Variants in MGAT5 observed in about 807,000 individuals in gnomAD.
MGAT5 encodes the protein alpha-1,6-mannosylglycoprotein 6-beta-N-acetylglucosaminyltransferase A.
MGAT5 carries 30 observed loss-of-function variants against 94.3 expected under a neutral mutation model. The ratio of observed to expected loss-of-function variants is 0.32; its 90% CI spans 0.24 to 0.43. The LOEUF (loss-of-function observed/expected upper bound fraction) is 0.43, where lower values mean the gene tolerates loss of function less well. Among genes scored for constraint, MGAT5 ranks in the 20% least tolerant of loss-of-function variants. MGAT5 has a pLI of 1.00. For missense variants in MGAT5, 691 were observed against 905.5 expected, an observed-to-expected ratio of 0.76 and a Z score of 3.04; for synonymous variants, 310 against 322.9, an observed-to-expected ratio of 0.96 and a Z score of 0.43.
intron 2 of MGAT5, among the ~76,000 whole-genome samples, chr2:134,287,326 A>G (rs190974140): frequency 1.4e-4 from 22 of 152,336 alleles, no homozygotes; most frequent in African/African-American, 5.3e-4. Context: ...TCATGAATCA[A>G]TATTCTTCGC....
intron 15 of MGAT5, 127 bp downstream of exon 15, chr2:134,442,042 G>C: frequency 9.3e-7 from 1 of 1,076,342 alleles, no homozygotes; most frequent in East Asian, 2.4e-5. Context: ...GTGTGGGAGG[G>C]GAGTAGGTTG....
At chr2:134,147,606 A>AAG (rs1553484897) in intron 1 of MGAT5, among the ~76,000 whole-genome samples, 7 of 150,882 alleles carry the variant, frequency 4.6e-5, no homozygotes, top group African/African-American at 7.3e-5. Context: ...AAAAAAAAAA[A>AAG]AAAAGAAAAG....
At chr2:134,173,958 C>G (rs1688341792) in intron 1 of MGAT5, among the ~76,000 whole-genome samples, 1 of 152,212 alleles carries the variant, frequency 6.6e-6, no homozygotes, top group Non-Finnish European at 1.5e-5. Context: ...CTCCCCCACC[C>G]AGGTTATAAA....
chr2:134,127,525 C>G (rs565793190), intron 1 of MGAT5, among the ~76,000 whole-genome samples: 15 of 132,042 alleles, frequency 1.1e-4, no homozygotes, highest in African/African-American at 2.9e-4. Flanking sequence ...TCCAACCCCC[C>G]CAAAACAAAA....
intron 14 of MGAT5, among the ~76,000 whole-genome samples, chr2:134,430,326 C>CT (rs1684814305): frequency 6.6e-6 from 1 of 152,212 alleles, no homozygotes; most frequent in Non-Finnish European, 1.5e-5. Flanking sequence ...GGAATTCCAG[C>CT]CAGTCTTTAA....
chr2:134,320,347 C>T lies in MGAT5; in HGVS notation c.573+1608C>T, dbSNP rs183977664. The stretch of plus-strand genomic sequence containing the variant: ...TCTGAGCATCATTTTCATTTGTACC[C>T]TTGAATTTAAATAGCAGCTTTTGTA... On this transcript the variant is annotated intron_variant, in intron 4 of 15. Coordinates refer to ENST00000281923, the MANE Select transcript of MGAT5 (RefSeq NM_002410.5). Among the ~76,000 whole-genome samples, 140 of 151,618 alleles carry T rather than the reference C, an allele frequency of 9.2e-4. No individual in the cohort carries two copies. In the East Asian group the frequency reaches 0.023, roughly 25 times the overall value.
At chr2:134,130,359 C>G (rs913095444) in intron 1 of MGAT5, among the ~76,000 whole-genome samples, 2 of 152,220 alleles carry the variant, frequency 1.3e-5, no homozygotes, top group Non-Finnish European at 2.9e-5. Flanking sequence ...TCTGCTGCGC[C>G]GGGTCCCATT....
chr2:134,269,360 G>A (rs1464774855), intron 1 of MGAT5, among the ~76,000 whole-genome samples: 1 of 152,150 alleles, frequency 6.6e-6, no homozygotes, highest in Non-Finnish European at 1.5e-5. Context: ...GTTTTTAGGA[G>A]AATGGAAGAT....
intron 13 of MGAT5, among the ~76,000 whole-genome samples, chr2:134,423,428 C>T (rs1168932400): frequency 6.6e-6 from 1 of 152,190 alleles, no homozygotes; most frequent in Non-Finnish European, 1.5e-5. Flanking sequence ...ACACAGAGTG[C>T]TCTCTGAGTC....
At chr2:134,284,709 G>T (rs1037988127) in intron 2 of MGAT5, among the ~76,000 whole-genome samples, 9 of 152,252 alleles carry the variant, frequency 5.9e-5, no homozygotes, top group African/African-American at 2.2e-4. Context: ...CAATTTAAGA[G>T]GATCAGGGTA....
chr2:134,275,574 T>C (rs1204415980), intron 2 of MGAT5, among the ~76,000 whole-genome samples: 3 of 143,252 alleles, frequency 2.1e-5, no homozygotes, highest in Non-Finnish European at 4.5e-5. Context: ...AGAGGTGCTA[T>C]TTCCTTTTTT....
chr2:134,260,214 A>T (rs1044878749), intron 1 of MGAT5, among the ~76,000 whole-genome samples: 2 of 152,156 alleles, frequency 1.3e-5, no homozygotes, highest in Admixed American at 1.3e-4. Context: ...ATCAATATGG[A>T]TGTTCTTATG....
In MGAT5 at chr2:134,151,390, C is replaced by T. The variant is rs112367749; in HGVS notation, c.-143+31099C>T. The stretch of plus-strand genomic sequence containing the variant: ...CCCATGCCCTGTGGGACCCACTCAC[C>T]GCCATGGGACCTCACTCACCCATGC... On this transcript the variant is annotated intron_variant, in intron 1 of 16. Transcript: ENST00000409645. 7.7e-3 allele frequency among the ~76,000 whole-genome samples: 771 copies of T among 99,798 alleles called. 43 individuals are homozygous for T. Among genetic ancestry groups the T allele is most frequent in the African/African-American group, 0.034 (707 of 21,070 alleles). The allele number at this position is 99,798 out of a possible 152,430, so 65.5% of individuals were successfully genotyped here. A position where few individuals can be genotyped will look rare whatever the true frequency, so the allele number is the denominator to read the frequency against.
chr2:134,304,079 G>A (rs1686188681), intron 2 of MGAT5, among the ~76,000 whole-genome samples: 1 of 152,136 alleles, frequency 6.6e-6, no homozygotes, highest in African/African-American at 2.4e-5. Context: ...TCTCTGCTTT[G>A]TTTTTAAAGA....
chr2:134,404,747 A>G (rs1030375340), intron 11 of MGAT5, among the ~76,000 whole-genome samples: 2 of 152,350 alleles, frequency 1.3e-5, no homozygotes, highest in African/African-American at 4.8e-5. Flanking sequence ...TTGGCCAAAG[A>G]CCTGGTTTGT....
chr2:134,384,188 A>T (rs1218011987), intron 10 of MGAT5, among the ~76,000 whole-genome samples: 1 of 146,798 alleles, frequency 6.8e-6, no homozygotes, highest in Non-Finnish European at 1.5e-5. Context: ...GTACACAAAG[A>T]CTAAAATATT....
chr2:134,444,848 G>A (rs1289881588), intron 15 of MGAT5, among the ~76,000 whole-genome samples: 4 of 152,168 alleles, frequency 2.6e-5, no homozygotes, highest in Non-Finnish European at 4.4e-5. Flanking sequence ...GTGCAAGGGC[G>A]CAGTTAAGCA....
chr2:134,335,664 T>A (rs1688293728), intron 4 of MGAT5, among the ~76,000 whole-genome samples: 1 of 152,070 alleles, frequency 6.6e-6, no homozygotes, highest in Non-Finnish European at 1.5e-5. Context: ...ACCTTATTTC[T>A]TGAGATAGTG....
At chr2:134,238,252 A>C (rs918024354) in intron 1 of MGAT5, among the ~76,000 whole-genome samples, 2 of 152,104 alleles carry the variant, frequency 1.3e-5, no homozygotes, top group African/African-American at 2.4e-5. Flanking sequence ...AATTTTCCCT[A>C]CTCTGAATGG....
Sources: gnomAD v4.1 joint callset for allele counts (sites outside exome capture counted in the v4.1 genomes callset) on GRCh38, gnomAD v4.1.1 for gene constraint, MANE v1.5 for transcripts, NCBI Gene and HGNC (gene_info 2026-07-23, HGNC 2026-07-21) for gene names.